Variants in GPATCH2L observed in about 807,000 individuals in gnomAD.
GPATCH2L encodes G patch domain-containing protein 2-like.
Under a neutral mutation model 57.4 loss-of-function variants are expected in GPATCH2L, and 31 were observed. The observed-to-expected ratio is 0.54, with a 90% confidence interval of 0.41 to 0.73. The LOEUF is 0.73. Ranked by LOEUF, GPATCH2L falls within the 30% of genes least tolerant of loss-of-function variation. The pLI is 0.00. For missense variants in GPATCH2L, 481 were observed against 599.9 expected (o/e 0.80, Z 2.07); for synonymous variants, 199 against 210.7 (o/e 0.94, Z 0.48).
rs758923869 is a variant in GPATCH2L at position 76,171,956 on chromosome 14, G to A, written c.841G>A (p.Asp281Asn). 1 of 1,612,494 alleles carries A rather than the reference G, an allele frequency of 6.2e-7. No individual in the cohort carries two copies. The highest frequency in any genetic ancestry group is 2.2e-5 in the East Asian group (1 of 44,852). The change falls in exon 4 of 10, where the codon GAT (aspartate) becomes AAT (asparagine). Residue 281 changes from aspartate to asparagine, a missense_variant. By Grantham distance (23) the Asp-to-Asn change is conservative (BLOSUM62 1). This residue lies in a region of GPATCH2L where 248 missense variants were observed against 270.5 expected (regional missense o/e 0.92). Coordinates refer to ENST00000261530, the MANE Select transcript of GPATCH2L (RefSeq NM_017926.4). Reference protein sequence around the residue: ...PDHCSEVERMDSGLDKFSDST... With the variant: ...PDHCSEVERMNSGLDKFSDST... ...TCATTGTTCTGAAGTAGAAAGAATG[G>A]ATTCTGGATTGGATAAATTTTCAGA...
In GPATCH2L at chr14:76,184,721, A is replaced by G. The variant is rs142991863; in HGVS notation, c.1193+3872A>G. Among the ~76,000 whole-genome samples, 24 of 152,264 alleles carry G rather than the reference A, an allele frequency of 1.6e-4. No individual in the cohort carries two copies. The East Asian group carries it at 4.6e-3, about 29-fold the overall frequency. On this transcript the variant is annotated intron_variant, in intron 8 of 9. Coordinates refer to ENST00000261530, the MANE Select transcript of GPATCH2L (RefSeq NM_017926.4). ...GGATTTCAGGAATAGCACTCTGGAA[A>G]TAGTTAACTTGGTGGTTTTCAACCC...
At chr14:76,196,095 T>C (rs1566812308) in intron 9 of GPATCH2L, 123 bp downstream of exon 9, 2 of 800,436 alleles carry the variant, frequency 2.5e-6, no homozygotes, top group East Asian at 2.6e-5. Context: ...CCACTTTACA[T>C]GGGAAAACTG....
chr14:76,190,398 G>C (rs893782882), intron 8 of GPATCH2L, among the ~76,000 whole-genome samples: 1 of 151,608 alleles, frequency 6.6e-6, no homozygotes, highest in Admixed American at 6.6e-5. Flanking sequence ...TGCTTTTAGT[G>C]CTCATTCTTC....
At chr14:76,176,275 A>C (rs2039323282) in intron 5 of GPATCH2L, 1 of 182,904 alleles carries the variant, frequency 5.5e-6, no homozygotes, top group Admixed American at 6.1e-5. Context: ...GCCTGTTAAA[A>C]ATTGGCTACT....
intron 7 of GPATCH2L, 74 bp from the exon 8 acceptor site, chr14:76,180,690 A>G: frequency 1.1e-6 from 1 of 934,990 alleles, no homozygotes. Context: ...AAAAGTAATC[A>G]AATGTAGGTT....
At position 76,172,022 on chromosome 14, in the gene GPATCH2L, G is replaced by A. The variant is rs2039108933; in HGVS notation, c.904+3G>A. ...ACCTTCTCGGCCAGCTCAAAGAGGTGAGTTCTGAGGAGACCAAGAACTTAA... is the reference window on the plus strand; with the variant it reads ...ACCTTCTCGGCCAGCTCAAAGAGGTAAGTTCTGAGGAGACCAAGAACTTAA... On this transcript the variant is annotated splice_donor_region_variant and intron_variant, in intron 4 of 9. Coordinates refer to ENST00000261530, the MANE Select transcript of GPATCH2L (RefSeq NM_017926.4). 6.3e-7 allele frequency: 1 copy of A among 1,578,950 alleles called. No individual in the cohort carries two copies. Among genetic ancestry groups the A allele is most frequent in the Non-Finnish European group, 8.6e-7 (1 of 1,161,888 alleles).
Position 76,208,074 on chromosome 14 carries a change from T to G in GPATCH2L, c.*6223T>G, listed in dbSNP as rs754589713. 8 of 152,198 alleles carry G rather than the reference T, an allele frequency of 5.3e-5. No homozygotes were observed. The highest frequency in any genetic ancestry group is 1.2e-4 in the Non-Finnish European group (8 of 68,056). The allele number at this position is 152,198 out of a possible 1,614,324, so 9.4% of individuals were successfully genotyped here. A position where few individuals can be genotyped will look rare whatever the true frequency, so the allele number is the denominator to read the frequency against. On this transcript the variant is annotated 3_prime_UTR_variant, in exon 10 of 10. Coordinates refer to ENST00000261530, the MANE Select transcript of GPATCH2L (RefSeq NM_017926.4). ...ACTTCTTTTCCATCTTGAAGACCAGTTAAAACTACCTCTGGCCAAAAATGT... is the reference window on the plus strand; with the variant it reads ...ACTTCTTTTCCATCTTGAAGACCAGGTAAAACTACCTCTGGCCAAAAATGT...
At chr14:76,226,600 A>T (rs748964346) in intron 1 of GPATCH2L, among the ~76,000 whole-genome samples, 31 of 152,096 alleles carry the variant, frequency 2.0e-4, no homozygotes, top group Non-Finnish European at 4.0e-4. Context: ...GGGAGGTGGG[A>T]CCTAACTGGA....
chr14:76,200,548 G>A (rs916483802), intron 9 of GPATCH2L, among the ~76,000 whole-genome samples: 11 of 152,246 alleles, frequency 7.2e-5, no homozygotes, highest in African/African-American at 9.6e-5. Context: ...CTGTGGTGAC[G>A]TTCCAAAATG....
rs34957782 is a variant in GPATCH2L at position 76,202,536 on chromosome 14, TAC to T, written c.*711_*712del. On this transcript the variant is annotated 3_prime_UTR_variant, in exon 10 of 10. Coordinates refer to ENST00000261530, the MANE Select transcript of GPATCH2L (RefSeq NM_017926.4). The stretch of plus-strand genomic sequence containing the variant: ...GTTCTACTGAAAGAGGACGTGTGTA[TAC>T]ACACACACACACACACACACACACA... The T allele has an allele frequency of 0.41, 54,666 of 134,040 alleles. 10,550 individuals are homozygous for T. Among genetic ancestry groups the T allele is most frequent in the African/African-American group, 0.53 (21,492 of 40,556 alleles). 8.3% of individuals were successfully genotyped at this position (134,040 alleles called of 1,614,324 possible).
chr14:76,217,155 A>G (rs1437765768), downstream of GPATCH2L, among the ~76,000 whole-genome samples: 2 of 152,182 alleles, frequency 1.3e-5, no homozygotes, highest in Non-Finnish European at 2.9e-5. Context: ...CTGTAGGCCA[A>G]ATCTGACTGG....
In GPATCH2L at chr14:76,202,624, G is replaced by T. The variant is rs1350753104; in HGVS notation, c.*773G>T. ...GCAAATTTAAAATAGTCAGTGGATT[G>T]TGTCTTACTACTTCATGTCCCAGTG... is the stretch of plus-strand genomic sequence containing the variant. On this transcript the variant is annotated 3_prime_UTR_variant, in exon 10 of 10. Transcript: ENST00000261530. 1 of 152,622 alleles carries T rather than the reference G, an allele frequency of 6.6e-6. No individual in the cohort carries two copies. The highest frequency in any genetic ancestry group is 1.5e-5 in the Non-Finnish European group (1 of 68,116). 9.5% of individuals were successfully genotyped at this position (152,622 alleles called of 1,614,324 possible).
chr14:76,180,609 C>G (rs529497137), intron 7 of GPATCH2L, among the ~76,000 whole-genome samples, 155 bp from the exon 8 acceptor site: 6 of 152,240 alleles, frequency 3.9e-5, no homozygotes, highest in Admixed American at 3.3e-4. Context: ...CATAGGCAAA[C>G]TATGAAATAT....
At position 76,209,404 on chromosome 14, in the gene GPATCH2L, C is replaced by G. The variant is rs1231103967; in HGVS notation, c.*7553C>G. The G allele has an allele frequency of 6.6e-6, 1 of 152,308 alleles. No individual in the cohort carries two copies. Among genetic ancestry groups the G allele is most frequent in the African/African-American group, 2.4e-5 (1 of 41,456 alleles). The allele number at this position is 152,308 out of a possible 1,614,324, so 9.4% of individuals were successfully genotyped here. A position where few individuals can be genotyped will look rare whatever the true frequency, so the allele number is the denominator to read the frequency against. On this transcript the variant is annotated 3_prime_UTR_variant, in exon 10 of 10. Transcript: ENST00000261530. ...CATATTAAAGGTCTCTGGTCCTTCT[C>G]TCACCTCCCTTGTTCCTCCTCCAAG...
rs928935112 is a variant in GPATCH2L, at chr14:76,154,381, C to T, written c.18C>T (p.His6=). The T allele has an allele frequency of 2.7e-5, 43 of 1,599,452 alleles. 1 individual carries two copies. In the Admixed American group the frequency reaches 3.9e-4, roughly 14 times the overall value. MDELV[H]DLASALEQTS... ...GTGGCCTCATGGATGAGCTGGTACA[C>T]GACTTAGCCTCAGCCTTGGAGCAGA... Residue 6 remains histidine, a synonymous_variant, in exon 2 of 10, where the codon CAC becomes CAT. Coordinates refer to ENST00000261530, the MANE Select transcript of GPATCH2L (RefSeq NM_017926.4). The surrounding 1 kb of genome is among the most constrained non-coding windows in gnomAD (Gnocchi z 4.4).
chr14:76,181,950 G>A (rs2039574809), intron 8 of GPATCH2L, among the ~76,000 whole-genome samples: 1 of 152,128 alleles, frequency 6.6e-6, no homozygotes, highest in South Asian at 2.1e-4. Context: ...TCTACTATGG[G>A]CTATAATAAT....
rs894202680 is a variant in GPATCH2L, at chr14:76,212,668, C to G, written c.*10817C>G. The G allele has an allele frequency of 6.6e-6, 1 of 151,992 alleles. No individual in the cohort carries two copies. Among genetic ancestry groups the G allele is most frequent in the South Asian group, 2.1e-4 (1 of 4,818 alleles). 9.4% of individuals were successfully genotyped at this position (151,992 alleles called of 1,614,324 possible). On this transcript the variant is annotated 3_prime_UTR_variant, in exon 10 of 10. Coordinates refer to ENST00000261530, the MANE Select transcript of GPATCH2L (RefSeq NM_017926.4). ...TAGTTGATGCATATTAGACTTTACC[C>G]TAAAAGTGGTAACTACACTTCAAAG...
At position 76,206,101 on chromosome 14, in the gene GPATCH2L, C is replaced by G. The variant is rs1040985648; in HGVS notation, c.*4250C>G. On this transcript the variant is annotated 3_prime_UTR_variant, in exon 10 of 10. Transcript: ENST00000261530. ...AGCAGTTAGCTCTTGTCAGCTGCTT[C>G]CCTCTGCTAGTGCTTGAGCTGCCAA... 2.6e-5 allele frequency: 4 copies of G among 152,378 alleles called. No individual in the cohort carries two copies. The highest frequency in any genetic ancestry group is 9.6e-5 in the African/African-American group (4 of 41,456). 9.4% of individuals were successfully genotyped at this position (152,378 alleles called of 1,614,324 possible).
chr14:76,226,025 C>T (rs143207103), intron 1 of GPATCH2L, among the ~76,000 whole-genome samples: 2 of 152,296 alleles, frequency 1.3e-5, no homozygotes, highest in East Asian at 3.9e-4. Context: ...TAAATTCGTA[C>T]AACCACTTTA....
Sources: allele counts gnomAD v4.1 joint callset (sites outside exome capture counted in the v4.1 genomes callset), GRCh38; gene constraint gnomAD v4.1.1; regional missense constraint gnomAD v4.1.1; non-coding constraint Gnocchi (gnomAD v3.1); transcripts MANE v1.5; gene names NCBI Gene and HGNC (gene_info 2026-07-23, HGNC 2026-07-21).